The following GFPT1 variants were observed in gnomAD, a reference collection of about 807,000 sequenced individuals.
GFPT1 encodes the protein glutamine--fructose-6-phosphate aminotransferase [isomerizing] 1.
GFPT1 carries 40 observed loss-of-function variants against 92.0 expected under a neutral mutation model. The ratio of observed to expected loss-of-function variants is 0.43; its 90% confidence interval spans 0.34 to 0.57. GFPT1 has a LOEUF of 0.57. GFPT1 is among the 20% of genes least tolerant of loss of function. The pLI is 0.02. For missense variants in GFPT1, 448 were observed against 869.1 expected, an observed-to-expected ratio of 0.52 and a Z score of 6.09; for synonymous variants, 269 against 280.6, an observed-to-expected ratio of 0.96 and a Z score of 0.41.
intron 15 of GFPT1, among the ~76,000 whole-genome samples, chr2:69,333,448 T>C (rs1477473708): frequency 3.9e-5 from 6 of 152,200 alleles, no homozygotes; most frequent in African/African-American, 1.4e-4. Context: ...ATATTTTTAA[T>C]TTCATCAATA....
chr2:69,360,664 G>A (rs1671450188), intron 4 of GFPT1, among the ~76,000 whole-genome samples: 1 of 152,018 alleles, frequency 6.6e-6, no homozygotes, highest in Non-Finnish European at 1.5e-5. Context: ...CTCCTGAGCT[G>A]AAGCAATCCT....
intron 15 of GFPT1, among the ~76,000 whole-genome samples, chr2:69,336,512 A>T (rs1484681465): frequency 2.6e-5 from 4 of 152,072 alleles, no homozygotes; most frequent in African/African-American, 9.7e-5. Flanking sequence ...AAATCCACCA[A>T]TATCCCAACA....
chr2:69,364,032 C>T (rs6546507), intron 3 of GFPT1, among the ~76,000 whole-genome samples: 149,583 of 151,728 alleles, frequency 0.99, 73,744 homozygotes, highest in East Asian at 1. Flanking sequence ...GGATATTCGC[C>T]TGAACCCAGG....
At chr2:69,375,806 C>T (rs1671855621) in intron 1 of GFPT1, among the ~76,000 whole-genome samples, 1 of 152,202 alleles carries the variant, frequency 6.6e-6, no homozygotes, top group African/African-American at 2.4e-5. Flanking sequence ...CCACAAATAG[C>T]ATTCCCAACC....
chr2:69,320,991 G>GA lies in GFPT1; in HGVS notation c.*5197_*5198insT, dbSNP rs1464974378. The GA allele has an allele frequency of 9.8e-5, 15 of 152,294 alleles. No individual in the cohort carries two copies. In the East Asian group the frequency reaches 2.5e-3, roughly 25 times the overall value. The allele number at this position is 152,294 out of a possible 1,614,324, so 9.4% of individuals were successfully genotyped here. A position where few individuals can be genotyped will look rare whatever the true frequency, so the allele number is the denominator to read the frequency against. Reference sequence around the variant, plus strand: ...GCCTAACTGTCTCCTGAAAAACGCAGCAGGTGCTATAACCACTAGGGATAG... The same window carrying GA: ...GCCTAACTGTCTCCTGAAAAACGCAGACAGGTGCTATAACCACTAGGGATAG... On this transcript the variant is annotated 3_prime_UTR_variant, in exon 20 of 20. Coordinates refer to ENST00000357308, the MANE Select transcript of GFPT1 (RefSeq NM_001244710.2).
intron 4 of GFPT1, 28 bp downstream of exon 4, chr2:69,363,517 T>C (rs1198886209): frequency 6.2e-7 from 1 of 1,610,696 alleles, no homozygotes; most frequent in Non-Finnish European, 8.5e-7. Context: ...TCCACAATCA[T>C]TCCAAAGCAC....
chr2:69,376,065 C>T (rs1417153185), intron 1 of GFPT1, among the ~76,000 whole-genome samples: 1 of 152,202 alleles, frequency 6.6e-6, no homozygotes, highest in Non-Finnish European at 1.5e-5. Context: ...AAACGAATAA[C>T]CCAATTGTAA....
At chr2:69,368,762 G>A (rs1315329150) in intron 3 of GFPT1, among the ~76,000 whole-genome samples, 4 of 151,756 alleles carry the variant, frequency 2.6e-5, no homozygotes, top group East Asian at 1.9e-4. Flanking sequence ...AGTTGACCAC[G>A]AAGAGGCATG....
chr2:69,369,886 C>G (rs1355726980), intron 3 of GFPT1, 115 bp downstream of exon 3: 3 of 744,438 alleles, frequency 4.0e-6, no homozygotes, highest in African/African-American at 3.4e-5. Context: ...TGTTACAGAC[C>G]ATTATCATTA....
At chr2:69,355,138 C>T (rs1027406348) in intron 7 of GFPT1, among the ~76,000 whole-genome samples, 7 of 152,106 alleles carry the variant, frequency 4.6e-5, no homozygotes, top group Non-Finnish European at 8.8e-5. Context: ...AGTGCAGTGG[C>T]GCAATCACAG....
chr2:69,367,229 A>C (rs1251642681), intron 3 of GFPT1, among the ~76,000 whole-genome samples: 1 of 152,218 alleles, frequency 6.6e-6, no homozygotes, highest in Non-Finnish European at 1.5e-5. Context: ...TGTGTTTTTA[A>C]ATGTCCTATA....
intron 13 of GFPT1, among the ~76,000 whole-genome samples, chr2:69,339,940 A>AT (rs1158106720): frequency 3.3e-5 from 5 of 152,076 alleles, no homozygotes; most frequent in African/African-American, 1.2e-4. Context: ...CCACAAATAA[A>AT]TGTAAACCAA....
At position 69,358,845 on chromosome 2, in the gene GFPT1, G is replaced by A. The variant is rs141377778; in HGVS notation, c.409-382C>T. ...ACACTGGAGAAAGTTCAATTGAACAGCCCTAAGAAAGCACTCATGCAGGTC... is the reference window on the plus strand; with the variant it reads ...ACACTGGAGAAAGTTCAATTGAACAACCCTAAGAAAGCACTCATGCAGGTC... On this transcript the variant is annotated intron_variant, in intron 5 of 19. Coordinates refer to ENST00000357308, the MANE Select transcript of GFPT1 (RefSeq NM_001244710.2). 1.9e-3 allele frequency among the ~76,000 whole-genome samples: 283 copies of A among 152,274 alleles called. 1 individual carries two copies. The highest frequency in any genetic ancestry group is 3.3e-3 in the Non-Finnish European group (222 of 68,022).
intron 13 of GFPT1, among the ~76,000 whole-genome samples, chr2:69,340,139 ACTTTTTT>A (rs1558740417): frequency 5.6e-5 from 7 of 124,160 alleles, no homozygotes; most frequent in Non-Finnish European, 3.2e-5. Context: ...AGTTGGGGCA[ACTTTTTT>A]TTTTTTTTTT....
At chr2:69,384,693 C>CAAAAAAAAAAAAAAAAGAAAAAAAAA (rs1672087434) in intron 1 of GFPT1, among the ~76,000 whole-genome samples, 2 of 106,634 alleles carry the variant, frequency 1.9e-5, no homozygotes, top group Non-Finnish European at 1.9e-5. Flanking sequence ...GGCCCCGTCA[C>CAAAAAAAAAAAAAAAAGAAAAAAAAA]AAAAAAAAAA....
rs1303593497 is a variant in GFPT1, at chr2:69,324,802, T to A, written c.*1387A>T. On this transcript the variant is annotated 3_prime_UTR_variant, in exon 20 of 20. Transcript: ENST00000357308. ...TTCACCAAAAACAAACACACTCTCC[T>A]ATAGCCCTGAAGATCTGGCCAGAAA... The A allele has an allele frequency of 6.6e-6, 1 of 152,150 alleles. No homozygotes were observed. The highest frequency in any genetic ancestry group is 1.5e-5 in the Non-Finnish European group (1 of 68,010). The allele number at this position is 152,150 out of a possible 1,614,324, so 9.4% of individuals were successfully genotyped here.
At chr2:69,379,644 C>G (rs554943371) in intron 1 of GFPT1, among the ~76,000 whole-genome samples, 30 of 152,022 alleles carry the variant, frequency 2.0e-4, no homozygotes, top group Admixed American at 9.2e-4. Flanking sequence ...CTCAAGTGAT[C>G]CCCTCATCTC....
chr2:69,381,849 G>A (rs1210265429), intron 1 of GFPT1, among the ~76,000 whole-genome samples: 2 of 145,256 alleles, frequency 1.4e-5, no homozygotes, highest in African/African-American at 5.3e-5. Context: ...CCAAAACACT[G>A]GCTACTTATA....
chr2:69,329,730 C>A lies in GFPT1; in HGVS notation c.1551G>T (p.Met517Ile), dbSNP rs1406825804. 6.2e-7 allele frequency: 1 copy of A among 1,613,572 alleles called. No homozygotes were observed. Among genetic ancestry groups the A allele is most frequent in the South Asian group, 1.1e-5 (1 of 91,066 alleles). ...ALMMCDDRIS[M>I]QERRKEIMLG... is the part of the protein sequence containing the mutation. ...GCATGATCTCTTTGCGTCTTTCTTG[C>A]ATGGAGATCCGATCATCACACATCA... The change falls in exon 16 of 20, where the codon ATG becomes ATT. Residue 517 changes from methionine (M) to isoleucine (I), a missense_variant. Around this residue, in one of 7 missense-constraint regions of GFPT1, gnomAD observed 73 missense variants for 103.5 expected, o/e 0.71. Transcript: ENST00000357308.
Sources: allele counts gnomAD v4.1 joint callset (sites outside exome capture counted in the v4.1 genomes callset), GRCh38; gene constraint gnomAD v4.1.1; regional missense constraint gnomAD v4.1.1; transcripts MANE v1.5; gene names NCBI Gene and HGNC (gene_info 2026-07-23, HGNC 2026-07-21).